PTPRG: variants seen among roughly 807,000 people sequenced by gnomAD.
PTPRG encodes protein tyrosine phosphatase receptor type G, also known as receptor-type tyrosine-protein phosphatase gamma.
In PTPRG, 102 loss-of-function variants were observed where a neutral mutation model predicts 165.3. The observed-to-expected ratio is 0.62, with a 90% CI of 0.53 to 0.73. PTPRG has a LOEUF of 0.73. Among genes scored for constraint, PTPRG ranks in the 30% least tolerant of loss-of-function variants. The pLI is 0.00. For missense variants in PTPRG, 1,866 were observed against 1,861.4 expected (o/e 1.00, Z -0.05); for synonymous variants, 675 against 669.5 (o/e 1.01, Z -0.13).
Position 61,914,598 on chromosome 3 carries a change from A to G in PTPRG, c.191-75027A>G, listed in dbSNP as rs1183577221. Among the ~76,000 whole-genome samples the G allele has an allele frequency of 4.6e-5, 7 of 152,208 alleles. No homozygotes were observed. The East Asian group carries it at 1.3e-3, about 29-fold the overall frequency. ...GTTAGAACGGTCTTGGCCTTTATGA[A>G]TAAACATGCTGTTCTGAAATGATAC... On this transcript the variant is annotated intron_variant, in intron 2 of 29. Coordinates refer to ENST00000474889, the MANE Select transcript of PTPRG (RefSeq NM_002841.4).
intron 9 of PTPRG, among the ~76,000 whole-genome samples, chr3:62,194,844 T>G (rs1240040336): frequency 6.6e-6 from 1 of 152,020 alleles, no homozygotes; most frequent in Non-Finnish European, 1.5e-5. Context: ...TCCTGTGTCC[T>G]GAACATTTCG....
Position 61,669,201 on chromosome 3 carries a change from G to A in PTPRG, c.86-79677G>A, listed in dbSNP as rs181218674. Among the ~76,000 whole-genome samples the A allele has an allele frequency of 5.6e-4, 85 of 152,308 alleles. 1 individual carries two copies. The East Asian group carries it at 0.014, about 25-fold the overall frequency. On this transcript the variant is annotated intron_variant, in intron 1 of 29. Coordinates refer to ENST00000474889, the MANE Select transcript of PTPRG (RefSeq NM_002841.4). Reference sequence around the variant, plus strand: ...GGTAGTGTAGTTAAATAAAAAGTATGAGCAGAAGTGTTTGTTTCAGGCAAG... The same window carrying A: ...GGTAGTGTAGTTAAATAAAAAGTATAAGCAGAAGTGTTTGTTTCAGGCAAG...
intron 1 of PTPRG, among the ~76,000 whole-genome samples, chr3:61,671,746 G>T (rs1478775736): frequency 7.1e-6 from 1 of 140,180 alleles, no homozygotes; most frequent in African/African-American, 2.7e-5. Flanking sequence ...CCTCCTGGAC[G>T]GGGCGGCTGG....
chr3:61,986,861 G>T (rs1286889196), intron 2 of PTPRG, among the ~76,000 whole-genome samples: 3 of 152,112 alleles, frequency 2.0e-5, no homozygotes, highest in Non-Finnish European at 4.4e-5. Context: ...AAGGCTTCTT[G>T]TTAAGTGTTC....
chr3:62,247,813 T>C (rs1490473185), intron 15 of PTPRG, among the ~76,000 whole-genome samples: 3 of 152,200 alleles, frequency 2.0e-5, no homozygotes, highest in African/African-American at 4.8e-5. Context: ...CAGTAAGTTA[T>C]ACTGACTTTT....
At chr3:62,259,169 A>G (rs772064763) in intron 16 of PTPRG, among the ~76,000 whole-genome samples, 9 of 152,230 alleles carry the variant, frequency 5.9e-5, no homozygotes, top group Middle Eastern at 3.2e-3. Context: ...CTGAGGGACC[A>G]GTGGCCACAA....
chr3:61,672,063 G>A (rs1245681559), intron 1 of PTPRG, among the ~76,000 whole-genome samples: 3 of 147,340 alleles, frequency 2.0e-5, no homozygotes, highest in South Asian at 2.2e-4. Context: ...GGGCAGAGAC[G>A]CTCCTCACAT....
At chr3:62,235,015 C>A (rs1700995817) in intron 14 of PTPRG, among the ~76,000 whole-genome samples, 1 of 151,588 alleles carries the variant, frequency 6.6e-6, no homozygotes, top group South Asian at 2.1e-4. Context: ...ATAATACCTT[C>A]TTAGATCCTT....
chr3:61,613,591 A>G (rs777224172), intron 1 of PTPRG, among the ~76,000 whole-genome samples: 2 of 152,250 alleles, frequency 1.3e-5, no homozygotes, highest in African/African-American at 2.4e-5. Flanking sequence ...AGGGAAAACA[A>G]ATTAATCTGT....
chr3:62,287,465 G>A (rs1386080738), intron 28 of PTPRG, among the ~76,000 whole-genome samples: 1 of 152,018 alleles, frequency 6.6e-6, no homozygotes, highest in Non-Finnish European at 1.5e-5. Context: ...TTATGAAATA[G>A]GAACAAATTC....
intron 20 of PTPRG, among the ~76,000 whole-genome samples, chr3:62,269,918 ATATC>A (rs1338986787): frequency 7.2e-5 from 11 of 152,170 alleles, no homozygotes; most frequent in African/African-American, 2.7e-4. Context: ...CTATACATAC[ATATC>A]TATGATAAAA....
intron 20 of PTPRG, 85 bp downstream of exon 20, chr3:62,269,254 T>A (rs1386595717): frequency 7.4e-7 from 1 of 1,352,700 alleles, no homozygotes; most frequent in African/African-American, 1.5e-5. Flanking sequence ...CCAAATCTCA[T>A]AACCAACTTG....
chr3:61,905,163 C>A (rs934634747), intron 2 of PTPRG, among the ~76,000 whole-genome samples: 2 of 152,104 alleles, frequency 1.3e-5, no homozygotes, highest in Non-Finnish European at 2.9e-5. Flanking sequence ...ACTGCTCTGC[C>A]GATACAGGTT....
intron 1 of PTPRG, among the ~76,000 whole-genome samples, chr3:61,570,419 G>A (rs983421214): frequency 6.6e-6 from 1 of 152,176 alleles, no homozygotes; most frequent in Non-Finnish European, 1.5e-5. Context: ...TGAAAGCATA[G>A]TTCATGGAAT....
chr3:61,619,316 T>C (rs1011663422), intron 1 of PTPRG, among the ~76,000 whole-genome samples: 1 of 152,156 alleles, frequency 6.6e-6, no homozygotes, highest in Non-Finnish European at 1.5e-5. Context: ...TTCTGCCTAT[T>C]GATGAGTATG....
intron 2 of PTPRG, among the ~76,000 whole-genome samples, chr3:61,895,271 A>G (rs1036294171): frequency 5.9e-5 from 9 of 152,218 alleles, no homozygotes; most frequent in Non-Finnish European, 1.3e-4. Flanking sequence ...TGATTGATGC[A>G]GGGTGTTTCT....
intron 4 of PTPRG, among the ~76,000 whole-genome samples, chr3:62,055,410 C>G (rs917883660): frequency 6.6e-6 from 1 of 152,188 alleles, no homozygotes; most frequent in Non-Finnish European, 1.5e-5. Context: ...GTAACACGGA[C>G]TAGTCACTCT....
At chr3:61,890,844 G>C (rs943313501) in intron 2 of PTPRG, among the ~76,000 whole-genome samples, 2 of 152,194 alleles carry the variant, frequency 1.3e-5, no homozygotes, top group African/African-American at 4.8e-5. Flanking sequence ...GTGAGAGAAT[G>C]CGAAGCATTC....
At chr3:62,155,750 C>G (rs1704513800) in intron 6 of PTPRG, among the ~76,000 whole-genome samples, 1 of 152,140 alleles carries the variant, frequency 6.6e-6, no homozygotes, top group African/African-American at 2.4e-5. Flanking sequence ...CTTCTCGAGT[C>G]TGGGGATGCA....
Sources: gnomAD v4.1 joint callset for allele counts (sites outside exome capture counted in the v4.1 genomes callset) on GRCh38, gnomAD v4.1.1 for gene constraint, MANE v1.5 for transcripts, NCBI Gene and HGNC (gene_info 2026-07-23, HGNC 2026-07-21) for gene names.